The following FER1L6 variants were observed in gnomAD, a reference collection of about 807,000 sequenced individuals.
The protein encoded by FER1L6 is fer-1-like protein 6.
Under a neutral mutation model 219.2 loss-of-function variants are expected in FER1L6, and 177 were observed. The observed-to-expected ratio is 0.81, with a 90% CI of 0.71 to 0.91. FER1L6 has a LOEUF of 0.91. Ranked by LOEUF, FER1L6 falls within the 40% of genes least tolerant of loss-of-function variation. FER1L6 has a pLI of 0.00. For synonymous variants in FER1L6, 768 were observed against 824.3 expected, an observed-to-expected ratio of 0.93 and a Z score of 1.17; for missense variants, 2,153 against 2,259.9, an observed-to-expected ratio of 0.95 and a Z score of 0.96.
intron 39 of FER1L6, among the ~76,000 whole-genome samples, chr8:124,104,795 T>C (rs1239887376): frequency 6.6e-6 from 1 of 152,226 alleles, no homozygotes; most frequent in Non-Finnish European, 1.5e-5. Flanking sequence ...ATATACAGAC[T>C]CCTGTTATTT....
chr8:124,114,373 A>C (rs1379740252), intron 39 of FER1L6, among the ~76,000 whole-genome samples: 1 of 152,160 alleles, frequency 6.6e-6, no homozygotes, highest in Non-Finnish European at 1.5e-5. Context: ...TGGATTTTTA[A>C]CAAATATGTT....
Position 124,070,560 on chromosome 8 carries a change from C to T in FER1L6, c.3928C>T (p.His1310Tyr). 6.2e-7 allele frequency: 1 copy of T among 1,608,496 alleles called. No homozygotes were observed. Among genetic ancestry groups the T allele is most frequent in the Non-Finnish European group, 8.5e-7 (1 of 1,178,202 alleles). Residue 1310 changes from histidine to tyrosine, a missense_variant, in exon 30 of 41, where the codon CAT becomes TAT. His to Tyr is a moderately conservative substitution (Grantham distance 83, BLOSUM62 2). Coordinates refer to ENST00000522917, the MANE Select transcript of FER1L6 (RefSeq NM_001039112.2). ...CAGAGGCAAGTCTACGGAAGATGACCATGGTCTTGATGGAGACCGAGTCAT... is the reference window on the plus strand; with the variant it reads ...CAGAGGCAAGTCTACGGAAGATGACTATGGTCTTGATGGAGACCGAGTCAT... ...LFRGKSTEDD[H>Y]GLDGDRVIGK...
intron 34 of FER1L6, 70 bp from the exon 35 acceptor site, chr8:124,094,826 G>C (rs936986173): frequency 6.6e-7 from 1 of 1,519,972 alleles, no homozygotes; most frequent in African/African-American, 1.4e-5. Flanking sequence ...GTTTAAAAAT[G>C]CATGTGGCAG....
chr8:124,098,401 GA>G (rs1822401808), intron 37 of FER1L6, among the ~76,000 whole-genome samples: 1 of 152,064 alleles, frequency 6.6e-6, no homozygotes, highest in African/African-American at 2.4e-5. Flanking sequence ...TATAGCATCA[GA>G]AAACAGGTGA....
chr8:124,033,035 A>C (rs1157470865), intron 18 of FER1L6, among the ~76,000 whole-genome samples: 1 of 152,190 alleles, frequency 6.6e-6, no homozygotes, highest in Non-Finnish European at 1.5e-5. Context: ...ATAACCTATG[A>C]TTTGGTGATA....
At chr8:123,963,251 A>C in intron 2 of FER1L6, 27 bp from the exon 3 acceptor site, 1 of 1,612,926 alleles carries the variant, frequency 6.2e-7, no homozygotes, top group African/African-American at 1.3e-5. Context: ...ATTTCACAGG[A>C]TTTTCTTCCT....
Position 123,974,659 on chromosome 8 carries a change from C to CAAAAAAAAAAAA in FER1L6, c.527-479_527-468dup, listed in dbSNP as rs994690186. On this transcript the variant is annotated intron_variant, in intron 7 of 40. Transcript: ENST00000522917. Reference sequence around the variant, plus strand: ...CAGGCATCACAGCGAGACTCTGTCTCAAAAAAAAAAAAAAAAAAAAAAAGA... The same window carrying CAAAAAAAAAAAA: ...CAGGCATCACAGCGAGACTCTGTCTCAAAAAAAAAAAAAAAAAAAAAAAAAAAAAAAAAAAGA... Among the ~76,000 whole-genome samples the CAAAAAAAAAAAA allele has an allele frequency of 1.7e-3, 82 of 47,772 alleles. 2 individuals are homozygous for CAAAAAAAAAAAA. Among genetic ancestry groups the CAAAAAAAAAAAA allele is most frequent in the Middle Eastern group, 0.014 (1 of 74 alleles). 31.3% of individuals were successfully genotyped at this position (47,772 alleles called of 152,430 possible). A position where few individuals can be genotyped will look rare whatever the true frequency, so the allele number is the denominator to read the frequency against.
chr8:123,895,187 A>T (rs1268934508), intron 1 of FER1L6, among the ~76,000 whole-genome samples: 1 of 152,218 alleles, frequency 6.6e-6, no homozygotes. Context: ...AAAAATTAAG[A>T]GATGTTTTAC....
chr8:123,859,007 AT>A (rs34978649), intron 1 of FER1L6, among the ~76,000 whole-genome samples: 64,923 of 150,308 alleles, frequency 0.43, 14,237 homozygotes, highest in East Asian at 0.58. Flanking sequence ...TCATTTATTC[AT>A]TTTTTTTTTT....
chr8:124,118,032 G>A (rs557402525), intron 39 of FER1L6, among the ~76,000 whole-genome samples: 1 of 152,278 alleles, frequency 6.6e-6, no homozygotes, highest in South Asian at 2.1e-4. Context: ...GGAGAAATGA[G>A]CGTCTCTGTC....
chr8:123,895,342 T>A (rs990878922), intron 1 of FER1L6, among the ~76,000 whole-genome samples: 32 of 152,190 alleles, frequency 2.1e-4, no homozygotes, highest in African/African-American at 7.5e-4. Flanking sequence ...CTTTTGGCTG[T>A]TAAGGACATC....
chr8:123,967,562 G>C (rs1769412824), intron 5 of FER1L6, among the ~76,000 whole-genome samples: 1 of 152,208 alleles, frequency 6.6e-6, no homozygotes, highest in African/African-American at 2.4e-5. Flanking sequence ...CTTCCAAAGA[G>C]GTAACAATTT....
intron 1 of FER1L6, among the ~76,000 whole-genome samples, chr8:123,917,097 C>T (rs1813212339): frequency 6.6e-6 from 1 of 152,210 alleles, no homozygotes; most frequent in African/African-American, 2.4e-5. Flanking sequence ...AGGCACAATG[C>T]TTCACCTCTA....
At position 123,852,929 on chromosome 8, in the gene FER1L6, T is replaced by TATATATC. The variant is rs1816539838; in HGVS notation, c.-8+758_-8+764dup. Among the ~76,000 whole-genome samples, 1 of 152,206 alleles carries TATATATC rather than the reference T, an allele frequency of 6.6e-6. No homozygotes were observed. Among genetic ancestry groups the TATATATC allele is most frequent in the Non-Finnish European group, 1.5e-5 (1 of 68,036 alleles). ...AGGCAAATGTAATCATCCCTAAGGT[T>TATATATC]ATATATCATATATCATATATGAAAT... is the stretch of plus-strand genomic sequence containing the variant. On this transcript the variant is annotated intron_variant, in intron 1 of 40. Coordinates refer to ENST00000522917, the MANE Select transcript of FER1L6 (RefSeq NM_001039112.2). The surrounding 1 kb of genome is among the most constrained non-coding windows in gnomAD (Gnocchi z 4.9).
intron 27 of FER1L6, among the ~76,000 whole-genome samples, chr8:124,067,149 T>C (rs1459800514): frequency 6.6e-6 from 1 of 152,134 alleles, no homozygotes; most frequent in Non-Finnish European, 1.5e-5. Flanking sequence ...TTTCCCTGAG[T>C]ACAAAAGGGA....
chr8:124,009,908 C>G (rs72497344), intron 13 of FER1L6, among the ~76,000 whole-genome samples: 7 of 139,432 alleles, frequency 5.0e-5, no homozygotes, highest in East Asian at 2.5e-4. Flanking sequence ...GCAACCCGGG[C>G]AGGAGAAGTC....
intron 39 of FER1L6, among the ~76,000 whole-genome samples, chr8:124,116,101 C>T (rs1207146894): frequency 6.6e-6 from 1 of 152,194 alleles, no homozygotes; most frequent in Non-Finnish European, 1.5e-5. Flanking sequence ...GTCACTTAGA[C>T]ATGTAAAGTA....
At chr8:124,056,552 GTCT>G (rs1290239036) in intron 22 of FER1L6, among the ~76,000 whole-genome samples, 1 of 152,194 alleles carries the variant, frequency 6.6e-6, no homozygotes, top group Admixed American at 6.5e-5. Flanking sequence ...CACTCATTAA[GTCT>G]TCTTATTAGA....
intron 1 of FER1L6, among the ~76,000 whole-genome samples, chr8:123,922,979 C>A (rs536321733): frequency 2.2e-4 from 33 of 152,268 alleles, no homozygotes; most frequent in Middle Eastern, 3.4e-3. Context: ...ACAGCCCCCC[C>A]CCAGACCCCC....
Sources: allele counts gnomAD v4.1 joint callset (sites outside exome capture counted in the v4.1 genomes callset), GRCh38; gene constraint gnomAD v4.1.1; non-coding constraint Gnocchi (gnomAD v3.1); transcripts MANE v1.5; gene names NCBI Gene and HGNC (gene_info 2026-07-23, HGNC 2026-07-21).